GPHN: variants seen among roughly 807,000 people sequenced by gnomAD.
GPHN encodes the protein gephyrin.
In GPHN, 17 loss-of-function variants were observed where a neutral mutation model predicts 95.5. The observed-to-expected ratio is 0.18, with a 90% confidence interval of 0.12 to 0.27. GPHN has a LOEUF of 0.27. Among genes scored for constraint, GPHN ranks in the 10% least tolerant of loss-of-function variants. The pLI, the probability that GPHN is intolerant of heterozygous loss-of-function variation, is 1.00. For synonymous variants in GPHN, 320 were observed against 322.5 expected (o/e 0.99, Z 0.08); for missense variants, 660 against 978.1 (o/e 0.67, Z 4.34).
intron 1 of GPHN, among the ~76,000 whole-genome samples, chr14:66,613,604 T>C (rs767251355): frequency 5.3e-5 from 8 of 152,140 alleles, no homozygotes; most frequent in Non-Finnish European, 1.2e-4. Context: ...CAAGTATTGA[T>C]TTTGGGGTTA....
At chr14:67,701,829 A>G in the GPHN span, 1 of 152,082 alleles carries the variant, frequency 6.6e-6, no homozygotes, top group African/African-American at 2.4e-5. Flanking sequence ...ATAATTTACC[A>G]TGTAATAAAT....
At position 66,508,221 on chromosome 14, in the gene GPHN, C is replaced by T. The variant is rs1028603607; in HGVS notation, c.-307C>T. On this transcript the variant is annotated 5_prime_UTR_variant, in exon 1 of 23. Transcript: ENST00000478722. ...AGAGCGTTCCGACACTCTCCGGCCT[C>T]GTTCTGCCGCCTCCGCGCGCTCTCC... The T allele has an allele frequency of 3.7e-6, 2 of 533,878 alleles. No homozygotes were observed. Among genetic ancestry groups the T allele is most frequent in the Non-Finnish European group, 6.8e-6 (2 of 295,254 alleles). The allele number at this position is 533,878 out of a possible 1,614,324, so 33.1% of individuals were successfully genotyped here.
At chr14:67,354,197 A>T in the GPHN span, among the ~76,000 whole-genome samples, 1 of 152,262 alleles carries the variant, frequency 6.6e-6, no homozygotes, top group Non-Finnish European at 1.5e-5. Context: ...AGTGTTCCAT[A>T]AATGAAAAGT....
the GPHN span, among the ~76,000 whole-genome samples, chr14:67,564,947 TC>T: frequency 3.9e-5 from 6 of 152,218 alleles, no homozygotes; most frequent in East Asian, 1.2e-3. Context: ...CACCTTGACC[TC>T]CCAAAGTGCT....
intron 2 of GPHN, among the ~76,000 whole-genome samples, chr14:66,718,471 A>AT (rs1215952575): frequency 6.6e-6 from 1 of 152,108 alleles, no homozygotes; most frequent in Non-Finnish European, 1.5e-5. Context: ...CAGCAGCAAG[A>AT]TTTACTGTGA....
intron 1 of GPHN, among the ~76,000 whole-genome samples, chr14:66,664,596 T>C (rs1184228642): frequency 6.6e-6 from 1 of 151,194 alleles, no homozygotes; most frequent in Non-Finnish European, 1.5e-5. Context: ...ATCAAACAAA[T>C]CCCAAAGCTA....
chr14:67,378,316 T>G, the GPHN span, among the ~76,000 whole-genome samples: 5 of 115,642 alleles, frequency 4.3e-5, no homozygotes, highest in Non-Finnish European at 8.4e-5. Context: ...TCATGTGACT[T>G]TTTTTTTTTT....
At chr14:66,680,762 T>C (rs77525109) in intron 1 of GPHN, among the ~76,000 whole-genome samples, 1,842 of 152,294 alleles carry the variant, frequency 0.012, 19 homozygotes, top group Non-Finnish European at 0.018. Flanking sequence ...TGTCTCTTTT[T>C]TTCCTAGTTG....
At chr14:67,206,620 C>T in the GPHN span, among the ~76,000 whole-genome samples, 1 of 152,148 alleles carries the variant, frequency 6.6e-6, no homozygotes, top group South Asian at 2.1e-4. Context: ...AGGTAGGAGA[C>T]AGAACTTCAA....
the GPHN span, among the ~76,000 whole-genome samples, chr14:67,673,009 C>T: frequency 6.6e-6 from 1 of 152,212 alleles, no homozygotes. Flanking sequence ...TCACTTCTCC[C>T]TGATTTCTGG....
At chr14:66,773,502 C>T (rs183032365) in intron 2 of GPHN, among the ~76,000 whole-genome samples, 7 of 151,828 alleles carry the variant, frequency 4.6e-5, no homozygotes, top group Non-Finnish European at 8.8e-5. Flanking sequence ...TACGGGTGCT[C>T]GCCACCACGC....
At chr14:66,688,414 G>A (rs1049266751) in intron 2 of GPHN, among the ~76,000 whole-genome samples, 5 of 152,160 alleles carry the variant, frequency 3.3e-5, no homozygotes, top group African/African-American at 1.2e-4. Flanking sequence ...GTTCAAGTCT[G>A]TATTGTTCAA....
chr14:67,522,737 C>T, the GPHN span, among the ~76,000 whole-genome samples: 2 of 152,182 alleles, frequency 1.3e-5, no homozygotes, highest in South Asian at 4.1e-4. Flanking sequence ...CCATAGGAGC[C>T]GGCTGAGAGA....
the GPHN span, among the ~76,000 whole-genome samples, chr14:67,278,828 T>C: frequency 6.6e-6 from 1 of 152,148 alleles, no homozygotes; most frequent in Non-Finnish European, 1.5e-5. Context: ...GGAAAGGGAC[T>C]TTTTGGGGGA....
At chr14:67,002,770 A>G (rs2072324149) in intron 9 of GPHN, among the ~76,000 whole-genome samples, 1 of 151,744 alleles carries the variant, frequency 6.6e-6, no homozygotes, top group Non-Finnish European at 1.5e-5. Flanking sequence ...TACTCAATAA[A>G]TATTAACTAT....
At chr14:66,752,147 T>C (rs1566905433) in intron 2 of GPHN, among the ~76,000 whole-genome samples, 1 of 152,132 alleles carries the variant, frequency 6.6e-6, no homozygotes, top group Non-Finnish European at 1.5e-5. Context: ...AGGGCCTTGT[T>C]CTGAATTAGG....
At chr14:67,426,840 G>T in the GPHN span, among the ~76,000 whole-genome samples, 82 of 152,344 alleles carry the variant, frequency 5.4e-4, no homozygotes, top group African/African-American at 1.8e-3. Flanking sequence ...CTTGCAAAGT[G>T]CTGGGATTAC....
At chr14:66,533,736 C>T (rs1313613261) in intron 1 of GPHN, among the ~76,000 whole-genome samples, 2 of 152,268 alleles carry the variant, frequency 1.3e-5, no homozygotes, top group African/African-American at 4.8e-5. Flanking sequence ...GGATAAATGG[C>T]AGCATGCAGT....
At chr14:67,018,564 G>A (rs1594831875) in intron 9 of GPHN, among the ~76,000 whole-genome samples, 3 of 152,136 alleles carry the variant, frequency 2.0e-5, no homozygotes, top group Admixed American at 6.6e-5. Context: ...CATGCCTACC[G>A]TGCATATGGC....
Sources: gnomAD v4.1 joint callset for allele counts (sites outside exome capture counted in the v4.1 genomes callset) on GRCh38, gnomAD v4.1.1 for gene constraint, MANE v1.5 for transcripts, NCBI Gene and HGNC (gene_info 2026-07-23, HGNC 2026-07-21) for gene names.